The following AK7 variants were observed in gnomAD, a reference collection of about 807,000 sequenced individuals.
The protein encoded by AK7 is adenylate kinase 7, also known as ATP-AMP transphosphorylase 7.
AK7 carries 78 observed loss-of-function variants against 96.6 expected under a neutral mutation model. That is an observed-to-expected ratio of 0.81 (90% CI 0.67 to 0.97). AK7 has a LOEUF of 0.97. AK7 is among the 50% of genes least tolerant of loss of function. The pLI is 0.00. For synonymous variants in AK7, 302 were observed against 317.2 expected (o/e 0.95, Z 0.51); for missense variants, 855 against 887.9 (o/e 0.96, Z 0.47).
At position 96,423,869 on chromosome 14, in the gene AK7, G is replaced by T. The variant is rs951036491; in HGVS notation, c.609+2937G>T. The T allele has an allele frequency of 1.3e-5, 11 of 876,306 alleles. No homozygotes were observed. The African/African-American group carries it at 1.7e-4, about 13-fold the overall frequency. 54.3% of individuals were successfully genotyped at this position (876,306 alleles called of 1,614,324 possible). A position where few individuals can be genotyped will look rare whatever the true frequency, so the allele number is the denominator to read the frequency against. ...GAGGATGGGCTCGTCACATTTCAGC[G>T]GCCTGTGCCTTGGGAGACCCCGAGC... On this transcript the variant is annotated intron_variant, in intron 5 of 17. Coordinates refer to ENST00000267584, the MANE Select transcript of AK7 (RefSeq NM_152327.5).
chr14:96,408,980 G>A (rs2275556), intron 4 of AK7, 39 bp downstream of exon 4: 186,515 of 1,597,328 alleles, frequency 0.12, 11,698 homozygotes, highest in East Asian at 0.17. Flanking sequence ...TAACATTTCA[G>A]CCATAACACC....
At chr14:96,476,367 C>T (rs1405390617) in intron 14 of AK7, among the ~76,000 whole-genome samples, 1 of 151,904 alleles carries the variant, frequency 6.6e-6, no homozygotes, top group African/African-American at 2.4e-5. Context: ...TAGCCAGGCA[C>T]GGTGGTGCAC....
intron 5 of AK7, chr14:96,424,126 C>T (rs1417645282): frequency 3.1e-5 from 20 of 645,852 alleles, no homozygotes; most frequent in Non-Finnish European, 5.0e-5. Context: ...CACCGCCACC[C>T]CGTGCAGGTG....
intron 10 of AK7, among the ~76,000 whole-genome samples, chr14:96,455,472 G>A (rs1264805591): frequency 1.3e-5 from 2 of 152,088 alleles, no homozygotes; most frequent in African/African-American, 2.4e-5. Flanking sequence ...GCAACAGTGG[G>A]AGCACCTATC....
rs146467595 is a variant in AK7, at chr14:96,457,303, C to T, written c.1228-780C>T. Among the ~76,000 whole-genome samples, 598 of 152,134 alleles carry T rather than the reference C, an allele frequency of 3.9e-3. 2 individuals carry two copies. The highest frequency in any genetic ancestry group is 6.3e-3 in the Non-Finnish European group (425 of 67,996). On this transcript the variant is annotated intron_variant, in intron 11 of 17. Transcript: ENST00000267584. Reference sequence around the variant, plus strand: ...CTTGAACTCCTGAGCTCAGGTGATCCGCCCGCCTTGGCCTCCCAAAGTGCT... The same window carrying T: ...CTTGAACTCCTGAGCTCAGGTGATCTGCCCGCCTTGGCCTCCCAAAGTGCT...
intron 15 of AK7, among the ~76,000 whole-genome samples, chr14:96,480,656 T>G (rs893662090): frequency 5.3e-5 from 8 of 152,132 alleles, no homozygotes; most frequent in African/African-American, 1.7e-4. Context: ...AAATAGTGAT[T>G]GTCATCTTTT....
rs193006143 is a variant in AK7 at position 96,441,414 on chromosome 14, A to G, written c.691-1316A>G. Among the ~76,000 whole-genome samples, 69 of 151,806 alleles carry G rather than the reference A, an allele frequency of 4.5e-4. 1 individual carries two copies. The Middle Eastern group carries it at 0.017, about 38-fold the overall frequency. The stretch of plus-strand genomic sequence containing the variant: ...AGCATATTGGGAGGCTGAGGCGGGT[A>G]GATCACCTGAGGTCAGGAGTTCGAG... On this transcript the variant is annotated intron_variant, in intron 6 of 17. Coordinates refer to ENST00000267584, the MANE Select transcript of AK7 (RefSeq NM_152327.5).
intron 1 of AK7, 86 bp downstream of exon 1, chr14:96,392,345 G>T: frequency 8.3e-7 from 1 of 1,206,420 alleles, no homozygotes; most frequent in African/African-American, 1.5e-5. Flanking sequence ...GCGAGGGTCT[G>T]CGCCCCAGGG....
rs111905580 is a variant in AK7, at chr14:96,458,104, G to T, written c.1249G>T (p.Asp417Tyr). Residue 417 changes from aspartate (D) to tyrosine (Y), a missense_variant, in exon 12 of 18, where the codon GAT becomes TAT. Physicochemically the swap from Asp to Tyr is radical, Grantham distance 160. Transcript: ENST00000267584. The part of the protein sequence containing the change: ...AKLEAIVAPN[D>Y]VGEGEEEVEE... ...GCAGGAGGCGATTGTTGCCCCTAAC[G>T]ATGTAGGGGAAGGAGAAGAAGAAGT... The T allele has an allele frequency of 1.2e-6, 2 of 1,613,470 alleles. No homozygotes were observed. The highest frequency in any genetic ancestry group is 1.3e-5 in the African/African-American group (1 of 74,880).
At chr14:96,451,071 G>A (rs1055269120) in intron 9 of AK7, among the ~76,000 whole-genome samples, 13 of 152,112 alleles carry the variant, frequency 8.5e-5, no homozygotes, top group Non-Finnish European at 1.3e-4. Flanking sequence ...ACGGCACTCG[G>A]CGGGAATATT....
At chr14:96,442,963 T>C (rs1446626317) in intron 7 of AK7, 145 bp downstream of exon 7, 1 of 697,868 alleles carries the variant, frequency 1.4e-6, no homozygotes, top group East Asian at 2.7e-5. Context: ...ATGCAGAAGG[T>C]ACCGTCTTCT....
At chr14:96,428,526 G>A (rs1892163059) in intron 5 of AK7, among the ~76,000 whole-genome samples, 2 of 152,148 alleles carry the variant, frequency 1.3e-5, no homozygotes, top group African/African-American at 2.4e-5. Flanking sequence ...CTAGATCCTT[G>A]AGGAATCGCC....
intron 7 of AK7, among the ~76,000 whole-genome samples, chr14:96,445,609 G>A (rs565597515): frequency 3.9e-5 from 6 of 152,128 alleles, no homozygotes; most frequent in Middle Eastern, 3.4e-3. Flanking sequence ...GCAGTGAACC[G>A]TGATAACACC....
chr14:96,479,714 C>T (rs1271755708), intron 15 of AK7, among the ~76,000 whole-genome samples: 1 of 152,196 alleles, frequency 6.6e-6, no homozygotes, highest in Non-Finnish European at 1.5e-5. Context: ...CTGCTACTTC[C>T]CTTGGCTTGT....
rs1437114942 is a variant in AK7, at chr14:96,458,014, G to C, written c.1228-69G>C. 3.8e-6 allele frequency: 6 copies of C among 1,576,754 alleles called. No individual in the cohort carries two copies. In the Admixed American group the frequency reaches 1.0e-4, roughly 27 times the overall value. On this transcript the variant is annotated intron_variant, in intron 11 of 17. Transcript: ENST00000267584. The stretch of plus-strand genomic sequence containing the variant: ...TCCCAAGCTTTTTCCAGGATCACCT[G>C]CCAGCTGATTTGTGAATAGCAAATG...
chr14:96,468,915 G>T (rs909691262), intron 12 of AK7, among the ~76,000 whole-genome samples: 1 of 151,810 alleles, frequency 6.6e-6, no homozygotes, highest in African/African-American at 2.4e-5. Flanking sequence ...AACAGAAAGC[G>T]CAGTTGCCTG....
intron 12 of AK7, among the ~76,000 whole-genome samples, chr14:96,459,148 G>A (rs985098790): frequency 1.8e-4 from 28 of 151,934 alleles, no homozygotes; most frequent in Non-Finnish European, 3.2e-4. Flanking sequence ...GACCAGCTTG[G>A]CCAACATGGT....
At chr14:96,392,640 A>G (rs1889819082) in intron 1 of AK7, among the ~76,000 whole-genome samples, 1 of 151,080 alleles carries the variant, frequency 6.6e-6, no homozygotes. Context: ...TCGATTTTGA[A>G]GCAGGCAGCT....
intron 17 of AK7, 68 bp downstream of exon 17, chr14:96,487,124 C>T: frequency 6.4e-7 from 1 of 1,554,874 alleles, no homozygotes. Context: ...CCTGTAATCC[C>T]AGCACTTTGG....
Sources: allele counts gnomAD v4.1 joint callset (sites outside exome capture counted in the v4.1 genomes callset), GRCh38; gene constraint gnomAD v4.1.1; transcripts MANE v1.5; gene names NCBI Gene and HGNC (gene_info 2026-07-23, HGNC 2026-07-21).